PHF20: variants seen among roughly 807,000 people sequenced by gnomAD.
The protein encoded by PHF20 is PHD finger protein 20.
Under a neutral mutation model 113.5 loss-of-function variants are expected in PHF20, and 23 were observed. That is an observed-to-expected ratio of 0.20 (90% CI 0.15 to 0.29). The LOEUF is 0.29. Among genes scored for constraint, PHF20 ranks in the 10% least tolerant of loss-of-function variants. The probability of loss-of-function intolerance (pLI) is 1.00; values close to 1 mark genes in which losing one functional copy is unlikely to be tolerated. For missense variants in PHF20, 943 were observed against 1,219.6 expected, an observed-to-expected ratio of 0.77 and a Z score of 3.38; for synonymous variants, 434 against 457.3, an observed-to-expected ratio of 0.95 and a Z score of 0.65.
At chr20:35,835,450 C>T (rs1411766336) in intron 2 of PHF20, among the ~76,000 whole-genome samples, 1 of 152,018 alleles carries the variant, frequency 6.6e-6, no homozygotes, top group Non-Finnish European at 1.5e-5. Context: ...TGAAACTGGG[C>T]AGGAAGGGCA....
chr20:35,795,875 C>T (rs1008858706), intron 1 of PHF20, among the ~76,000 whole-genome samples: 1 of 151,406 alleles, frequency 6.6e-6, no homozygotes. Flanking sequence ...TTTTTTGAGA[C>T]AGTCTCACTC....
At chr20:35,836,497 A>G (rs2146928385) in intron 2 of PHF20, among the ~76,000 whole-genome samples, 1 of 152,326 alleles carries the variant, frequency 6.6e-6, no homozygotes, top group South Asian at 2.1e-4. Flanking sequence ...CCATAGCAGC[A>G]CATAAACATA....
At chr20:35,867,197 A>G (rs1568675437) in intron 6 of PHF20, among the ~76,000 whole-genome samples, 1 of 152,152 alleles carries the variant, frequency 6.6e-6, no homozygotes, top group Non-Finnish European at 1.5e-5. Flanking sequence ...TGAGCACCCT[A>G]GATTGTATAG....
intron 2 of PHF20, 58 bp downstream of exon 2, chr20:35,801,663 T>A: frequency 8.9e-7 from 1 of 1,120,700 alleles, no homozygotes; most frequent in Non-Finnish European, 1.3e-6. Flanking sequence ...TTGCCAGCAC[T>A]GATAGAGTGG....
At chr20:35,920,994 G>A (rs185184128) in intron 13 of PHF20, among the ~76,000 whole-genome samples, 1 of 152,286 alleles carries the variant, frequency 6.6e-6, no homozygotes, top group Non-Finnish European at 1.5e-5. Context: ...TTGTGAGGTC[G>A]GACATGTGAA....
At chr20:35,822,891 A>G (rs1345157252) in intron 2 of PHF20, among the ~76,000 whole-genome samples, 2 of 147,728 alleles carry the variant, frequency 1.4e-5, no homozygotes, top group Middle Eastern at 3.3e-3. Context: ...TCAAGTTCCC[A>G]TATTCCTGTG....
intron 1 of PHF20, among the ~76,000 whole-genome samples, chr20:35,777,573 T>G (rs1292094182): frequency 6.6e-6 from 1 of 152,258 alleles, no homozygotes; most frequent in Non-Finnish European, 1.5e-5. Flanking sequence ...CCCAACACTT[T>G]GGGAGGCCAG....
At chr20:35,860,160 G>A (rs1179460366) in intron 5 of PHF20, among the ~76,000 whole-genome samples, 8 of 151,536 alleles carry the variant, frequency 5.3e-5, no homozygotes, top group South Asian at 2.1e-4. Flanking sequence ...CAAGTGATCC[G>A]CCCACCTTGG....
rs185360675 is a variant in PHF20 at position 35,918,143 on chromosome 20, C to T, written c.2004+481C>T. ...TGTCATCTTCATCTCTGAGATGTGC[C>T]TGTGGTGGGTGGGACCTCCTTACCT... On this transcript the variant is annotated intron_variant, in intron 13 of 17. Transcript: ENST00000374012. Among the ~76,000 whole-genome samples the T allele has an allele frequency of 2.6e-4, 40 of 151,986 alleles. No individual in the cohort carries two copies. In the East Asian group the frequency reaches 6.2e-3, roughly 24 times the overall value.
chr20:35,947,463 C>T lies in PHF20; in HGVS notation c.2897-22C>T, dbSNP rs182944328. The T allele has an allele frequency of 2.1e-5, 34 of 1,611,734 alleles. No individual in the cohort carries two copies. The African/African-American group carries it at 3.9e-4, about 18-fold the overall frequency. ...CAAGTGTTGGGAGTTCACTAGGTCT[C>T]ATCTCTCTCTTCTGCCGACAGTGTT... is the stretch of plus-strand genomic sequence containing the variant. On this transcript the variant is annotated intron_variant, in intron 17 of 17. Coordinates refer to ENST00000374012, the MANE Select transcript of PHF20 (RefSeq NM_016436.5).
chr20:35,869,137 TCAAAACTAGGCC>T (rs2054371796), intron 6 of PHF20, among the ~76,000 whole-genome samples: 1 of 151,876 alleles, frequency 6.6e-6, no homozygotes, highest in African/African-American at 2.4e-5. Flanking sequence ...TCTTGTACCC[TCAAAACTAGGCC>T]CAGTGCTAAG....
intron 4 of PHF20, among the ~76,000 whole-genome samples, chr20:35,847,879 C>T (rs950837774): frequency 3.1e-4 from 47 of 152,050 alleles, no homozygotes; most frequent in Middle Eastern, 3.2e-3. Context: ...ACTGGGATGC[C>T]GGAATTTAGA....
intron 2 of PHF20, among the ~76,000 whole-genome samples, chr20:35,839,838 T>C (rs1177862044): frequency 6.6e-6 from 1 of 152,186 alleles, no homozygotes; most frequent in African/African-American, 2.4e-5. Context: ...GGAGTGAAAT[T>C]GGAATAGGTT....
chr20:35,896,835 T>A (rs2054995424), intron 9 of PHF20, among the ~76,000 whole-genome samples: 1 of 151,356 alleles, frequency 6.6e-6, no homozygotes, highest in African/African-American at 2.4e-5. Context: ...TGTGATGGGT[T>A]TACTTTTTGT....
At chr20:35,865,674 T>C (rs925367416) in intron 6 of PHF20, among the ~76,000 whole-genome samples, 38 of 151,982 alleles carry the variant, frequency 2.5e-4, no homozygotes, top group African/African-American at 8.4e-4. Flanking sequence ...AGCTAATTTA[T>C]TTCTTGTAGA....
Position 35,796,333 on chromosome 20 carries a change from C to T in PHF20, c.-32-5158C>T, listed in dbSNP as rs55954640. Among the ~76,000 whole-genome samples, 1,474 of 152,134 alleles carry T rather than the reference C, an allele frequency of 9.7e-3. 16 individuals are homozygous for T. Among genetic ancestry groups the T allele is most frequent in the East Asian group, 0.04 (207 of 5,178 alleles). On this transcript the variant is annotated intron_variant, in intron 1 of 17. Coordinates refer to ENST00000374012, the MANE Select transcript of PHF20 (RefSeq NM_016436.5). ...GTAATGAATTTTGATTAAATATTCTCTTGTTTTTTAATGGATGAACTACAT... is the reference window on the plus strand; with the variant it reads ...GTAATGAATTTTGATTAAATATTCTTTTGTTTTTTAATGGATGAACTACAT...
At chr20:35,889,506 C>T (rs1488907028) in intron 9 of PHF20, among the ~76,000 whole-genome samples, 1 of 151,718 alleles carries the variant, frequency 6.6e-6, no homozygotes, top group Non-Finnish European at 1.5e-5. Context: ...GGACAATAGG[C>T]ACGCACCACC....
At chr20:35,847,517 T>C (rs1026843670) in intron 4 of PHF20, 83 bp downstream of exon 4, 2 of 831,238 alleles carry the variant, frequency 2.4e-6, no homozygotes, top group Middle Eastern at 2.2e-4. Flanking sequence ...CTTGATAGTA[T>C]ATTTTCAGTA....
chr20:35,844,397 C>A (rs2042583517), intron 3 of PHF20, among the ~76,000 whole-genome samples: 1 of 150,000 alleles, frequency 6.7e-6, no homozygotes, highest in African/African-American at 2.5e-5. Flanking sequence ...CCACCGCGCC[C>A]AGCCGGTTTT....
Sources: gnomAD v4.1 joint callset for allele counts (sites outside exome capture counted in the v4.1 genomes callset) on GRCh38, gnomAD v4.1.1 for gene constraint, MANE v1.5 for transcripts, NCBI Gene and HGNC (gene_info 2026-07-23, HGNC 2026-07-21) for gene names.